VPS53: variants seen among roughly 807,000 people sequenced by gnomAD.
VPS53 encodes the protein VPS53 subunit of GARP complex, also known as vacuolar protein sorting-associated protein 53 homolog.
In VPS53, 70 loss-of-function variants were observed where a neutral mutation model predicts 107.0. That is an observed-to-expected ratio of 0.65 (90% CI 0.54 to 0.80). The LOEUF is 0.80. Among genes scored for constraint, VPS53 ranks in the 30% least tolerant of loss-of-function variants. VPS53 has a pLI of 0.00. For synonymous variants in VPS53, 409 were observed against 393.3 expected, an observed-to-expected ratio of 1.04 and a Z score of -0.47; for missense variants, 917 against 1,049.4, an observed-to-expected ratio of 0.87 and a Z score of 1.74.
At chr17:653,551 T>C (rs1971048510) in intron 6 of VPS53, 141 bp from the exon 7 acceptor site, 1 of 1,329,182 alleles carries the variant, frequency 7.5e-7, no homozygotes, top group African/African-American at 1.5e-5. Context: ...TATAAGCTGC[T>C]GTGCGTTGTG....
chr17:556,375 T>C (rs1420696261), intron 15 of VPS53, among the ~76,000 whole-genome samples: 1 of 152,202 alleles, frequency 6.6e-6, no homozygotes, highest in African/African-American at 2.4e-5. Context: ...GTAACAAATA[T>C]TTCATATCAA....
At chr17:653,966 C>G (rs561505868) in intron 6 of VPS53, among the ~76,000 whole-genome samples, 1 of 152,156 alleles carries the variant, frequency 6.6e-6, no homozygotes, top group Non-Finnish European at 1.5e-5. Context: ...GAGGCCGAGG[C>G]GGGCAGATCA....
At chr17:648,269 C>T (rs767498309) in intron 7 of VPS53, among the ~76,000 whole-genome samples, 4 of 152,168 alleles carry the variant, frequency 2.6e-5, no homozygotes, top group African/African-American at 7.2e-5. Context: ...AAAATAAGGC[C>T]GGGCACGGTG....
intron 2 of VPS53, among the ~76,000 whole-genome samples, chr17:702,080 G>A (rs1973221053): frequency 6.6e-6 from 1 of 152,120 alleles, no homozygotes; most frequent in Non-Finnish European, 1.5e-5. Flanking sequence ...AAAGAACAGA[G>A]GCCGGGTGTG....
chr17:656,699 A>AGTGT (rs1567713837), intron 5 of VPS53: 14 of 495,578 alleles, frequency 2.8e-5, no homozygotes, highest in Non-Finnish European at 4.3e-5. Flanking sequence ...CTGACTAAGA[A>AGTGT]ATGTGTGTGT....
intron 12 of VPS53, among the ~76,000 whole-genome samples, chr17:587,384 C>A (rs1314418004): frequency 6.6e-6 from 1 of 152,004 alleles, no homozygotes; most frequent in Non-Finnish European, 1.5e-5. Flanking sequence ...TTTTATACCC[C>A]CAAATTTTAT....
At chr17:534,380 A>G (rs1193839174) in intron 18 of VPS53, among the ~76,000 whole-genome samples, 1 of 152,136 alleles carries the variant, frequency 6.6e-6, no homozygotes, top group Non-Finnish European at 1.5e-5. Flanking sequence ...ACAGCAAACG[A>G]GGTAAAAGGA....
At chr17:539,920 C>T (rs970846994) in intron 17 of VPS53, among the ~76,000 whole-genome samples, 3 of 152,108 alleles carry the variant, frequency 2.0e-5, no homozygotes, top group African/African-American at 7.2e-5. Context: ...GCTGGGACAA[C>T]CACGTCTATC....
At chr17:529,089 AT>A (rs1909332275) in intron 19 of VPS53, among the ~76,000 whole-genome samples, 1 of 152,028 alleles carries the variant, frequency 6.6e-6, no homozygotes, top group African/African-American at 2.4e-5. Context: ...AAAGGTCAAG[AT>A]TTTTTTCCGA....
At chr17:596,134 G>A (rs1263099846) in intron 12 of VPS53, among the ~76,000 whole-genome samples, 1 of 152,224 alleles carries the variant, frequency 6.6e-6, no homozygotes, top group East Asian at 1.9e-4. Context: ...AAAATATAAA[G>A]TTTTTTAAAA....
intron 5 of VPS53, among the ~76,000 whole-genome samples, chr17:659,018 ATC>A (rs1272655284): frequency 6.6e-6 from 1 of 150,910 alleles, no homozygotes; most frequent in Non-Finnish European, 1.5e-5. Context: ...CCTCCAAACA[ATC>A]TCTGTTTCCA....
chr17:588,130 A>G (rs532546599), intron 12 of VPS53, among the ~76,000 whole-genome samples: 70 of 152,310 alleles, frequency 4.6e-4, no homozygotes, highest in African/African-American at 1.6e-3. Flanking sequence ...AGCATGGCCA[A>G]TATGGTGAAA....
chr17:636,635 G>C (rs1479486961), intron 7 of VPS53, among the ~76,000 whole-genome samples: 2 of 152,214 alleles, frequency 1.3e-5, no homozygotes, highest in Non-Finnish European at 2.9e-5. Flanking sequence ...AAGGGCTGTT[G>C]AATTTTGTCA....
chr17:564,958 T>A (rs1259954581), intron 13 of VPS53, among the ~76,000 whole-genome samples: 6 of 152,180 alleles, frequency 3.9e-5, no homozygotes, highest in Middle Eastern at 3.2e-3. Flanking sequence ...TGCATCTTTT[T>A]AGGTTGCCGT....
rs541699646 is a variant in VPS53, at chr17:524,748, C to T, written c.2086-3010G>A. 6.6e-6 allele frequency among the ~76,000 whole-genome samples: 1 copy of T among 152,082 alleles called. No individual in the cohort carries two copies. The highest frequency in any genetic ancestry group is 2.1e-4 in the South Asian group (1 of 4,828). On this transcript the variant is annotated intron_variant, in intron 19 of 21. Transcript: ENST00000437048. This position sits in a 1 kb window ranked among gnomAD's most constrained non-coding sequence, Gnocchi z 4.5. ...ATCAAGTGTGGGCACGGCCATGGCACTGAAATTCACAAATGTACACCGTAA... is the reference window on the plus strand; with the variant it reads ...ATCAAGTGTGGGCACGGCCATGGCATTGAAATTCACAAATGTACACCGTAA...
rs148498025 is a variant in VPS53, at chr17:555,489, G to A, written c.1705-2027C>T. 2.0e-3 allele frequency among the ~76,000 whole-genome samples: 308 copies of A among 151,970 alleles called. 1 individual carries two copies. The highest frequency in any genetic ancestry group is 5.8e-3 in the East Asian group (30 of 5,160). On this transcript the variant is annotated intron_variant, in intron 15 of 21. Coordinates refer to ENST00000437048, the MANE Select transcript of VPS53 (RefSeq NM_001128159.3). Reference sequence around the variant, plus strand: ...TGGGATTACAGACGTGAGCCACCACGCCCGGCCCTAATTTTTGTATTTTTA... The same window carrying A: ...TGGGATTACAGACGTGAGCCACCACACCCGGCCCTAATTTTTGTATTTTTA...
At chr17:549,644 C>T (rs1254958962) in intron 17 of VPS53, among the ~76,000 whole-genome samples, 2 of 152,102 alleles carry the variant, frequency 1.3e-5, no homozygotes, top group African/African-American at 2.4e-5. Context: ...AGCTGCATTC[C>T]GATCTGAAGT....
intron 5 of VPS53, 34 bp from the exon 6 acceptor site, chr17:655,987 G>A: frequency 6.3e-7 from 1 of 1,579,936 alleles, no homozygotes; most frequent in Non-Finnish European, 8.7e-7. Context: ...AAGAAAGGAA[G>A]ACGGTCAAGA....
chr17:648,106 C>G (rs1226006241), intron 7 of VPS53, among the ~76,000 whole-genome samples: 1 of 152,210 alleles, frequency 6.6e-6, no homozygotes, highest in Non-Finnish European at 1.5e-5. Context: ...TGCTGGGACA[C>G]CCACCTGGCA....
Sources: allele counts gnomAD v4.1 joint callset (sites outside exome capture counted in the v4.1 genomes callset), GRCh38; gene constraint gnomAD v4.1.1; non-coding constraint Gnocchi (gnomAD v3.1); transcripts MANE v1.5; gene names NCBI Gene and HGNC (gene_info 2026-07-23, HGNC 2026-07-21).